KDM4C: variants seen among roughly 807,000 people sequenced by gnomAD.
KDM4C encodes lysine demethylase 4C.
KDM4C carries 81 observed loss-of-function variants against 129.3 expected under a neutral mutation model. The observed-to-expected ratio is 0.63, with a 90% CI of 0.52 to 0.75. KDM4C has a LOEUF of 0.75. Ranked by LOEUF, KDM4C falls within the 30% of genes least tolerant of loss-of-function variation. The pLI, the probability that KDM4C is intolerant of heterozygous loss-of-function variation, is 0.00. For missense variants in KDM4C, 1,457 were observed against 1,304.0 expected (o/e 1.12, Z -1.81); for synonymous variants, 573 against 456.1 (o/e 1.26, Z -3.26).
chr9:7,143,188 T>C (rs1841921949), intron 19 of KDM4C, among the ~76,000 whole-genome samples: 1 of 152,336 alleles, frequency 6.6e-6, no homozygotes, highest in South Asian at 2.1e-4. Context: ...CACTTTGGCA[T>C]GTTTTGGTTT....
At chr9:6,744,456 C>G (rs1237353936) in intron 1 of KDM4C, among the ~76,000 whole-genome samples, 1 of 151,928 alleles carries the variant, frequency 6.6e-6, no homozygotes, top group African/African-American at 2.4e-5. Flanking sequence ...ACCTGGGAGG[C>G]GGAGGTTGCA....
chr9:7,083,158 G>C (rs568109405), intron 17 of KDM4C, among the ~76,000 whole-genome samples: 2 of 152,134 alleles, frequency 1.3e-5, no homozygotes, highest in Non-Finnish European at 2.9e-5. Flanking sequence ...ACACATTGAG[G>C]TTGAGTATCT....
intron 17 of KDM4C, among the ~76,000 whole-genome samples, chr9:7,049,549 ACT>A (rs1257891787): frequency 4.0e-5 from 6 of 151,800 alleles, no homozygotes; most frequent in Non-Finnish European, 7.4e-5. Context: ...TTCTCTCTTG[ACT>A]CTCTTTGGTT....
chr9:7,025,577 A>G (rs181807147), intron 15 of KDM4C, among the ~76,000 whole-genome samples: 21 of 152,306 alleles, frequency 1.4e-4, no homozygotes, highest in Admixed American at 9.8e-4. Context: ...CTTACAACCT[A>G]TTATTTTAAG....
rs1818600449 is a variant in KDM4C at position 6,758,074 on chromosome 9, G to T, written c.-147G>T. Reference sequence around the variant, plus strand: ...ATCGGGCGGCCGGGGTCCTGTGCGCGTGCGCAGCGAACAGCTGTCACCTAG... The same window carrying T: ...ATCGGGCGGCCGGGGTCCTGTGCGCTTGCGCAGCGAACAGCTGTCACCTAG... On this transcript the variant is annotated 5_prime_UTR_variant, in exon 1 of 22. Coordinates refer to ENST00000381309, the MANE Select transcript of KDM4C (RefSeq NM_015061.6). The surrounding 1 kb of genome is among the most constrained non-coding windows in gnomAD (Gnocchi z 4.6). 2 of 985,486 alleles carry T rather than the reference G, an allele frequency of 2.0e-6. No homozygotes were observed. The highest frequency in any genetic ancestry group is 2.4e-6 in the Non-Finnish European group (2 of 829,982). 61.0% of individuals were successfully genotyped at this position (985,486 alleles called of 1,614,324 possible). A position where few individuals can be genotyped will look rare whatever the true frequency, so the allele number is the denominator to read the frequency against.
chr9:7,068,682 CTT>C (rs1491514249), intron 17 of KDM4C, among the ~76,000 whole-genome samples: 1,225 of 88,438 alleles, frequency 0.014, 153 homozygotes, highest in African/African-American at 0.046. Flanking sequence ...TTATGATGCC[CTT>C]TCTTTTTTTT....
In KDM4C at chr9:6,763,641, T is replaced by A. The variant is rs923359975; in HGVS notation, c.-18+5438T>A. Among the ~76,000 whole-genome samples, 7 of 152,272 alleles carry A rather than the reference T, an allele frequency of 4.6e-5. No individual in the cohort carries two copies. In the East Asian group the frequency reaches 1.4e-3, roughly 29 times the overall value. On this transcript the variant is annotated intron_variant, in intron 1 of 21. Transcript: ENST00000381309. ...TTTCTCCTATGAATCAGTGTTACCA[T>A]TGTGAAGAGGGAAAATAAGTTAATA...
intron 2 of KDM4C, among the ~76,000 whole-genome samples, chr9:6,793,487 A>G (rs1345040955): frequency 2.0e-5 from 3 of 151,214 alleles, no homozygotes; most frequent in African/African-American, 7.3e-5. Context: ...GGTTAACCAC[A>G]ATTTCTCTCT....
At chr9:6,737,389 A>C (rs144784187) in intron 1 of KDM4C, among the ~76,000 whole-genome samples, 2 of 152,004 alleles carry the variant, frequency 1.3e-5, no homozygotes, top group African/African-American at 4.8e-5. Flanking sequence ...GGTCAGGTGC[A>C]GTGGCTCATG....
At chr9:6,851,545 A>T (rs1334863954) in intron 5 of KDM4C, among the ~76,000 whole-genome samples, 1 of 152,192 alleles carries the variant, frequency 6.6e-6, no homozygotes, top group East Asian at 1.9e-4. Flanking sequence ...ACATGTTAAT[A>T]AAATCTAGTA....
chr9:7,047,330 A>C (rs1392602114), intron 16 of KDM4C, among the ~76,000 whole-genome samples: 1 of 152,054 alleles, frequency 6.6e-6, no homozygotes. Flanking sequence ...ATAAAACAAA[A>C]CCATTTACTT....
At chr9:6,995,901 C>G (rs949237650) in intron 12 of KDM4C, among the ~76,000 whole-genome samples, 1 of 150,312 alleles carries the variant, frequency 6.7e-6, no homozygotes, top group Non-Finnish European at 1.5e-5. Context: ...TCGATCTGAC[C>G]TCGTGATCTG....
At chr9:6,908,381 C>G (rs1469349598) in intron 8 of KDM4C, among the ~76,000 whole-genome samples, 16 of 152,154 alleles carry the variant, frequency 1.1e-4, no homozygotes, top group Admixed American at 9.2e-4. Flanking sequence ...CAGGCACACA[C>G]AGTACAAAAA....
chr9:7,136,711 A>T (rs1841243756), intron 19 of KDM4C, among the ~76,000 whole-genome samples: 1 of 152,218 alleles, frequency 6.6e-6, no homozygotes, highest in Non-Finnish European at 1.5e-5. Flanking sequence ...TTTTTTAAAT[A>T]GTCTGTACAT....
rs1448384833 is a variant in KDM4C, at chr9:7,023,980, TG to T, written c.2259+8052del. Among the ~76,000 whole-genome samples, 7 of 152,358 alleles carry T rather than the reference TG, an allele frequency of 4.6e-5. No individual in the cohort carries two copies. In the South Asian group the frequency reaches 1.2e-3, roughly 27 times the overall value. On this transcript the variant is annotated intron_variant, in intron 15 of 21. Transcript: ENST00000381309. ...TTATTGATTTCTATTTTTATTCCAT[TG>T]TGGTCAAAGAAGATGCTTGATATTA...
intron 2 of KDM4C, among the ~76,000 whole-genome samples, chr9:6,804,631 G>A (rs1337627975): frequency 2.0e-5 from 3 of 151,680 alleles, no homozygotes; most frequent in East Asian, 3.9e-4. Flanking sequence ...GGTGGCAGGC[G>A]CCTGTAATCC....
At chr9:7,150,390 G>A (rs553342817) in intron 19 of KDM4C, among the ~76,000 whole-genome samples, 4 of 152,278 alleles carry the variant, frequency 2.6e-5, no homozygotes, top group South Asian at 2.1e-4. Context: ...CTGGGAGGGC[G>A]GGTCACAGAC....
chr9:6,909,273 A>G (rs147692840), intron 8 of KDM4C, among the ~76,000 whole-genome samples: 203 of 152,328 alleles, frequency 1.3e-3, no homozygotes, highest in African/African-American at 4.8e-3. Context: ...CGATGTGGCC[A>G]AGAGAACAGA....
In KDM4C at chr9:6,834,781, C is replaced by A. The variant is rs144477422; in HGVS notation, c.436-14726C>A. 1.4e-4 allele frequency: 176 copies of A among 1,286,972 alleles called. 1 individual carries two copies. The African/African-American group carries it at 2.1e-3, about 15-fold the overall frequency. 79.7% of individuals were successfully genotyped at this position (1,286,972 alleles called of 1,614,324 possible). A position where few individuals can be genotyped will look rare whatever the true frequency, so the allele number is the denominator to read the frequency against. On this transcript the variant is annotated intron_variant, in intron 4 of 21. Transcript: ENST00000381309. ...ATCCCATGCTGCTGACCGAGGCCCC[C>A]CTGAACCCCAAGGCCAGCCGCGAGA...
Sources: allele counts gnomAD v4.1 joint callset (sites outside exome capture counted in the v4.1 genomes callset), GRCh38; gene constraint gnomAD v4.1.1; non-coding constraint Gnocchi (gnomAD v3.1); transcripts MANE v1.5; gene names NCBI Gene and HGNC (gene_info 2026-07-23, HGNC 2026-07-21).